Variants in ADGRB3 observed in about 807,000 individuals in gnomAD.
The protein encoded by ADGRB3 is adhesion G protein-coupled receptor B3, also known as brain-specific angiogenesis inhibitor 3.
In ADGRB3, 37 loss-of-function variants were observed where a neutral mutation model predicts 193.4. The observed-to-expected ratio is 0.19, with a 90% confidence interval of 0.15 to 0.25. The LOEUF (loss-of-function observed/expected upper bound fraction) is 0.25. Ranked by LOEUF, ADGRB3 falls within the 10% of genes least tolerant of loss-of-function variation. ADGRB3 has a pLI of 1.00. For missense variants in ADGRB3, 1,637 were observed against 1,852.9 expected (o/e 0.88, Z 2.14); for synonymous variants, 690 against 644.2 (o/e 1.07, Z -1.08).
chr6:69,383,434 C>T (rs1331838671), intron 31 of ADGRB3, among the ~76,000 whole-genome samples: 1 of 151,920 alleles, frequency 6.6e-6, no homozygotes, highest in Non-Finnish European at 1.5e-5. Context: ...TAACTGTGAC[C>T]ATTCTCTTCT....
chr6:69,083,478 A>C (rs2150315095), intron 17 of ADGRB3, among the ~76,000 whole-genome samples: 1 of 152,262 alleles, frequency 6.6e-6, no homozygotes, highest in African/African-American at 2.4e-5. Context: ...AACAAAAATA[A>C]CTTTTTTATG....
Position 68,943,230 on chromosome 6 carries a change from C to T in ADGRB3, c.1031-600C>T, listed in dbSNP as rs185413847. Among the ~76,000 whole-genome samples the T allele has an allele frequency of 7.6e-4, 115 of 152,222 alleles. 1 individual carries two copies. The highest frequency in any genetic ancestry group is 2.3e-3 in the African/African-American group (95 of 41,552). On this transcript the variant is annotated intron_variant, in intron 5 of 31. Transcript: ENST00000370598. ...AAGAGGAATATTTTATTTGAGTAGA[C>T]ACTCTGTTTGAAATTCTTTTTATTC...
At chr6:69,052,605 T>C (rs1771430818) in intron 15 of ADGRB3, among the ~76,000 whole-genome samples, 1 of 152,222 alleles carries the variant, frequency 6.6e-6, no homozygotes, top group Non-Finnish European at 1.5e-5. Flanking sequence ...ATGCTTTGAA[T>C]AAATATAGTT....
chr6:68,683,971 CT>C (rs1455964448), intron 3 of ADGRB3, among the ~76,000 whole-genome samples: 1 of 151,986 alleles, frequency 6.6e-6, no homozygotes, highest in East Asian at 1.9e-4. Flanking sequence ...ACATCTGCTT[CT>C]CAGCTCCTCA....
intron 3 of ADGRB3, among the ~76,000 whole-genome samples, chr6:68,806,981 T>A (rs1767412461): frequency 1.3e-5 from 2 of 152,116 alleles, no homozygotes; most frequent in Non-Finnish European, 2.9e-5. Context: ...ACGTATGGGC[T>A]GGATAACTTC....
chr6:68,674,391 TA>T (rs1462969626), intron 3 of ADGRB3, among the ~76,000 whole-genome samples: 1 of 152,148 alleles, frequency 6.6e-6, no homozygotes, highest in East Asian at 1.9e-4. Flanking sequence ...TATTATACAT[TA>T]AAAATGCAAC....
rs1311149640 is a variant in ADGRB3, at chr6:68,659,151, A to G, written c.757+19719A>G. Among the ~76,000 whole-genome samples, 5 of 151,166 alleles carry G rather than the reference A, an allele frequency of 3.3e-5. No homozygotes were observed. In the East Asian group the frequency reaches 9.7e-4, roughly 29 times the overall value. ...TAAATCCTGATCCATTCTAACTAAA[A>G]TAATTTTTTTGTGCTATTTTCTTAA... On this transcript the variant is annotated intron_variant, in intron 3 of 31. Coordinates refer to ENST00000370598, the MANE Select transcript of ADGRB3 (RefSeq NM_001704.3).
chr6:69,103,413 T>C (rs1773122000), intron 17 of ADGRB3, among the ~76,000 whole-genome samples: 1 of 152,170 alleles, frequency 6.6e-6, no homozygotes, highest in Non-Finnish European at 1.5e-5. Flanking sequence ...AACAAGTAAT[T>C]TTTGTAGATT....
chr6:69,091,189 T>G (rs1319178724), intron 17 of ADGRB3, among the ~76,000 whole-genome samples: 5 of 152,186 alleles, frequency 3.3e-5, no homozygotes, highest in African/African-American at 1.2e-4. Context: ...ACACTGTTGA[T>G]GGGAGTGTAA....
chr6:69,200,238 A>G (rs1158764456), intron 17 of ADGRB3, among the ~76,000 whole-genome samples: 1 of 152,108 alleles, frequency 6.6e-6, no homozygotes, highest in Admixed American at 6.6e-5. Flanking sequence ...GAAGGGTTAC[A>G]GGGTTACCTG....
chr6:68,658,841 T>C (rs1469926167), intron 3 of ADGRB3, among the ~76,000 whole-genome samples: 1 of 151,080 alleles, frequency 6.6e-6, no homozygotes, highest in Non-Finnish European at 1.5e-5. Flanking sequence ...GTAATTATGA[T>C]TATAGAAGAT....
chr6:69,340,369 T>C (rs1243454661), intron 26 of ADGRB3, among the ~76,000 whole-genome samples: 1 of 152,186 alleles, frequency 6.6e-6, no homozygotes, highest in Non-Finnish European at 1.5e-5. Context: ...TTTTAGCATT[T>C]ACTCTAGGGA....
At chr6:69,274,826 G>C (rs1329669768) in intron 20 of ADGRB3, among the ~76,000 whole-genome samples, 2 of 152,092 alleles carry the variant, frequency 1.3e-5, no homozygotes, top group Non-Finnish European at 2.9e-5. Context: ...TCTTGCTGAA[G>C]GAGGGTCTGT....
intron 17 of ADGRB3, among the ~76,000 whole-genome samples, chr6:69,115,912 C>T (rs1482482936): frequency 6.6e-6 from 1 of 152,136 alleles, no homozygotes; most frequent in East Asian, 1.9e-4. Flanking sequence ...GTGTATCAGT[C>T]TGGGTTCTAG....
chr6:69,340,721 C>T (rs1232999279), intron 26 of ADGRB3, among the ~76,000 whole-genome samples: 9 of 152,070 alleles, frequency 5.9e-5, no homozygotes, highest in African/African-American at 2.2e-4. Flanking sequence ...ACCCATCAAC[C>T]TGTCATCTAC....
chr6:69,223,325 G>A (rs923675952), intron 17 of ADGRB3, among the ~76,000 whole-genome samples: 17 of 152,110 alleles, frequency 1.1e-4, no homozygotes, highest in African/African-American at 3.9e-4. Flanking sequence ...CATATTCCTG[G>A]CCCCATCCCA....
intron 3 of ADGRB3, among the ~76,000 whole-genome samples, chr6:68,745,947 C>A (rs1217536448): frequency 6.6e-6 from 1 of 151,846 alleles, no homozygotes; most frequent in Non-Finnish European, 1.5e-5. Flanking sequence ...ATAGTATTTG[C>A]CAGACACTGT....
intron 3 of ADGRB3, among the ~76,000 whole-genome samples, chr6:68,873,150 T>C (rs1765506835): frequency 6.6e-6 from 1 of 152,138 alleles, no homozygotes; most frequent in Admixed American, 6.6e-5. Flanking sequence ...GAGATAGCCA[T>C]TTATGAATTA....
intron 3 of ADGRB3, among the ~76,000 whole-genome samples, chr6:68,807,102 G>A (rs1229224557): frequency 6.6e-6 from 1 of 151,808 alleles, no homozygotes; most frequent in Non-Finnish European, 1.5e-5. Context: ...TTTGTAAACC[G>A]GTTACAAAAT....
Sources: gnomAD v4.1 joint callset for allele counts (sites outside exome capture counted in the v4.1 genomes callset) on GRCh38, gnomAD v4.1.1 for gene constraint, MANE v1.5 for transcripts, NCBI Gene and HGNC (gene_info 2026-07-23, HGNC 2026-07-21) for gene names.